Variants in RNFT2 observed in about 807,000 individuals in gnomAD.
RNFT2 encodes E3 ubiquitin-protein ligase RNFT2.
Under a neutral mutation model 53.0 loss-of-function variants are expected in RNFT2, and 36 were observed. That is an observed-to-expected ratio of 0.68 (90% CI 0.52 to 0.90). The LOEUF (loss-of-function observed/expected upper bound fraction) is 0.90, where lower values mean the gene tolerates loss of function less well. Among genes scored for constraint, RNFT2 ranks in the 40% least tolerant of loss-of-function variants. RNFT2 has a pLI of 0.00. For synonymous variants in RNFT2, 260 were observed against 253.2 expected (o/e 1.03, Z -0.26); for missense variants, 514 against 585.6 (o/e 0.88, Z 1.26).
intron 4 of RNFT2, among the ~76,000 whole-genome samples, chr12:116,753,681 G>A (rs1392094012): frequency 6.6e-6 from 1 of 152,164 alleles, no homozygotes; most frequent in Non-Finnish European, 1.5e-5. Flanking sequence ...CAAACAGAGA[G>A]GAAGTGGCAG....
intron 7 of RNFT2, among the ~76,000 whole-genome samples, chr12:116,785,335 C>A (rs1257261163): frequency 6.7e-6 from 1 of 150,202 alleles, no homozygotes; most frequent in South Asian, 2.1e-4. Context: ...CTCTGCTTCC[C>A]AGGCTGGAGT....
At chr12:116,802,308 C>T (rs1453338471) in intron 7 of RNFT2, among the ~76,000 whole-genome samples, 2 of 152,184 alleles carry the variant, frequency 1.3e-5, no homozygotes, top group African/African-American at 4.8e-5. Flanking sequence ...TATTGAGGAG[C>T]ACAGCATCTT....
At chr12:116,778,888 TA>T (rs1294911707) in intron 6 of RNFT2, among the ~76,000 whole-genome samples, 2 of 152,122 alleles carry the variant, frequency 1.3e-5, no homozygotes, top group East Asian at 3.9e-4. Flanking sequence ...CTTTCCTCTA[TA>T]AGTTACCCAG....
In RNFT2 at chr12:116,849,592, C is replaced by T; in HGVS notation, c.*144C>T. On this transcript the variant is annotated 3_prime_UTR_variant, in exon 11 of 11. Coordinates refer to ENST00000257575, the MANE Select transcript of RNFT2 (RefSeq NM_001382266.1). ...CACCTCTGACCCCAAAGTCCCGCCCCTGTCTTGTCCTTCTGACCTTCATCT... is the reference window on the plus strand; with the variant it reads ...CACCTCTGACCCCAAAGTCCCGCCCTTGTCTTGTCCTTCTGACCTTCATCT... The T allele has an allele frequency of 7.1e-7, 1 of 1,410,916 alleles. No homozygotes were observed. Among genetic ancestry groups the T allele is most frequent in the South Asian group, 1.6e-5 (1 of 63,542 alleles). 87.4% of individuals were successfully genotyped at this position (1,410,916 alleles called of 1,614,324 possible). A position where few individuals can be genotyped will look rare whatever the true frequency, so the allele number is the denominator to read the frequency against.
At chr12:116,744,485 G>T (rs1173150426) in intron 3 of RNFT2, among the ~76,000 whole-genome samples, 1 of 152,134 alleles carries the variant, frequency 6.6e-6, no homozygotes, top group Non-Finnish European at 1.5e-5. Context: ...AAATGCAGAA[G>T]CTGAGGCTCA....
chr12:116,772,330 CAG>C (rs1873239025), intron 6 of RNFT2, among the ~76,000 whole-genome samples: 1 of 152,068 alleles, frequency 6.6e-6, no homozygotes. Context: ...TTTTTTGAGA[CAG>C]AGTCTCGCTC....
chr12:116,817,824 A>G (rs1233994723), intron 7 of RNFT2, among the ~76,000 whole-genome samples: 4 of 152,350 alleles, frequency 2.6e-5, no homozygotes, highest in Middle Eastern at 3.4e-3. Context: ...TACTCCAAAA[A>G]TATTTCAGTG....
chr12:116,846,437 A>ATTTTTTTTTTTTTTTTTTTT (rs35922781), intron 10 of RNFT2, among the ~76,000 whole-genome samples: 2 of 104,380 alleles, frequency 1.9e-5, no homozygotes, highest in Non-Finnish European at 3.7e-5. Context: ...TGCCCAGCTA[A>ATTTTTTTTTTTTTTTTTTTT]TTTTTTTTTT....
chr12:116,851,772 G>GAGGGAGGA lies in RNFT2; in HGVS notation c.*2328_*2335dup, dbSNP rs1358586113. 9 of 775,906 alleles carry GAGGGAGGA rather than the reference G, an allele frequency of 1.2e-5. No individual in the cohort carries two copies. In the African/African-American group the frequency reaches 1.5e-4, roughly 13 times the overall value. 48.1% of individuals were successfully genotyped at this position (775,906 alleles called of 1,614,324 possible). ...AAAAAAAAGAAAGAAAGAAGGGAGGGAGGGAGGAAGGAAGGAAGGAAGGAA... is the reference window on the plus strand; with the variant it reads ...AAAAAAAAGAAAGAAAGAAGGGAGGGAGGGAGGAAGGGAGGAAGGAAGGAAGGAAGGAA... On this transcript the variant is annotated 3_prime_UTR_variant, in exon 11 of 11. Coordinates refer to ENST00000257575, the MANE Select transcript of RNFT2 (RefSeq NM_001382266.1).
In RNFT2 at chr12:116,750,186, C is replaced by G; in HGVS notation, c.429C>G (p.Asp143Glu). Reference protein sequence around the residue: ...DHRGHSEEGGDEQPGTPAPAL... With the variant: ...DHRGHSEEGGEEQPGTPAPAL... ...GGGGGCACTCGGAGGAGGGAGGCGA[C>G]GAGCAGCCTGGGACGCCCGCCCCCG... The change falls in exon 4 of 11, where the codon GAC (aspartate) becomes GAG (glutamate). Residue 143 changes from aspartate (D) to glutamate (E), a missense_variant. This residue lies in a region of RNFT2 where 237 missense variants were observed against 235.1 expected (regional missense o/e 1.01). Transcript: ENST00000257575. 1.9e-6 allele frequency: 3 copies of G among 1,599,616 alleles called. No homozygotes were observed. Among genetic ancestry groups the G allele is most frequent in the Non-Finnish European group, 2.5e-6 (3 of 1,177,116 alleles).
intron 7 of RNFT2, among the ~76,000 whole-genome samples, chr12:116,786,851 C>T (rs983672791): frequency 1.3e-5 from 2 of 152,166 alleles, no homozygotes; most frequent in African/African-American, 2.4e-5. Flanking sequence ...ATCCTTGCCT[C>T]TTCGGGCTTC....
chr12:116,789,959 G>GAT (rs1566082072), intron 7 of RNFT2, among the ~76,000 whole-genome samples: 4 of 133,944 alleles, frequency 3.0e-5, no homozygotes, highest in Non-Finnish European at 4.8e-5. Flanking sequence ...TGGATGGGTG[G>GAT]GTGGATGGAT....
chr12:116,842,870 G>A (rs562475877), intron 10 of RNFT2, among the ~76,000 whole-genome samples: 4 of 152,092 alleles, frequency 2.6e-5, no homozygotes, highest in African/African-American at 7.2e-5. Flanking sequence ...CACTGTGCCC[G>A]GCGTGTTTAT....
chr12:116,761,650 TG>T (rs1203289440), intron 5 of RNFT2, among the ~76,000 whole-genome samples: 1 of 152,200 alleles, frequency 6.6e-6, no homozygotes, highest in African/African-American at 2.4e-5. Flanking sequence ...ATCATTTTTC[TG>T]TCATTTTCCC....
intron 10 of RNFT2, among the ~76,000 whole-genome samples, chr12:116,840,819 T>C (rs1877210944): frequency 6.6e-6 from 1 of 152,114 alleles, no homozygotes. Flanking sequence ...TTGAAAATCA[T>C]AGTGTATTAT....
rs1019200104 is a variant in RNFT2 at position 116,833,908 on chromosome 12, C to T, written c.999C>T (p.Gly333=). 6.2e-6 allele frequency: 10 copies of T among 1,612,402 alleles called. No homozygotes were observed. The highest frequency in any genetic ancestry group is 1.3e-5 in the African/African-American group (1 of 74,782). ...ACTCCTCCAACAGCTACTTCCTGGG[C>T]GGGGTCCTGATCGTTCTCTACAGCC... The part of the protein sequence containing the change: ...GDDSSNSYFL[G]GVLIVLYSLC... The change falls in exon 8 of 11, where the codon GGC becomes GGT. Residue 333 remains glycine (G), a synonymous_variant. Transcript: ENST00000257575.
intron 7 of RNFT2, among the ~76,000 whole-genome samples, chr12:116,824,053 C>A (rs1876196546): frequency 1.3e-5 from 2 of 152,154 alleles, no homozygotes; most frequent in Admixed American, 1.3e-4. Context: ...AGGGCCTCAT[C>A]TCTGAAGAGG....
At position 116,852,224 on chromosome 12, in the gene RNFT2, C is replaced by A; in HGVS notation, c.*2776C>A. ...CCAATGGCATTACAGAGAAAGCAAT[C>A]TGTGTGGCTAGTGGGCAGATTACCA... On this transcript the variant is annotated 3_prime_UTR_variant, in exon 11 of 11. Transcript: ENST00000257575. 7.8e-7 allele frequency: 1 copy of A among 1,275,918 alleles called. No individual in the cohort carries two copies. The highest frequency in any genetic ancestry group is 1.0e-6 in the Non-Finnish European group (1 of 1,003,790). The allele number at this position is 1,275,918 out of a possible 1,614,324, so 79.0% of individuals were successfully genotyped here.
At chr12:116,751,889 C>T (rs1252995117) in intron 4 of RNFT2, among the ~76,000 whole-genome samples, 2 of 151,912 alleles carry the variant, frequency 1.3e-5, no homozygotes, top group Non-Finnish European at 2.9e-5. Context: ...CTCAAGTGAT[C>T]CACCTGCCTT....
Sources: allele counts gnomAD v4.1 joint callset (sites outside exome capture counted in the v4.1 genomes callset), GRCh38; gene constraint gnomAD v4.1.1; regional missense constraint gnomAD v4.1.1; transcripts MANE v1.5; gene names NCBI Gene and HGNC (gene_info 2026-07-23, HGNC 2026-07-21).